GLDC: variants seen among roughly 807,000 people sequenced by gnomAD.
GLDC encodes glycine decarboxylase.
A neutral mutation model predicts 121.3 loss-of-function variants in GLDC; 104 were observed. That is an observed-to-expected ratio of 0.86 (90% CI 0.73 to 1.01). The LOEUF is 1.01. GLDC is among the 50% of genes least tolerant of loss of function. The pLI, the probability that GLDC is intolerant of heterozygous loss-of-function variation, is 0.00. For synonymous variants in GLDC, 546 were observed against 480.6 expected (o/e 1.14, Z -1.78); for missense variants, 1,429 against 1,306.6 (o/e 1.09, Z -1.44).
chr9:6,540,209 G>T, intron 21 of GLDC, 63 bp from the exon 22 acceptor site: 4 of 1,023,676 alleles, frequency 3.9e-6, no homozygotes, highest in South Asian at 2.5e-5. Context: ...CCAAACAAAT[G>T]AATAAGTAAT....
At chr9:6,539,783 C>G (rs1817217357) in intron 22 of GLDC, among the ~76,000 whole-genome samples, 1 of 152,202 alleles carries the variant, frequency 6.6e-6, no homozygotes. Context: ...ACACTCACTG[C>G]AACTCAAAGG....
At chr9:6,586,971 T>C (rs530841495) in intron 15 of GLDC, among the ~76,000 whole-genome samples, 170 bp downstream of exon 15, 68 of 152,300 alleles carry the variant, frequency 4.5e-4, no homozygotes, top group Non-Finnish European at 7.8e-4. Context: ...TCACCAGCTA[T>C]GTGAGGGAGA....
rs748599108 is a variant in GLDC at position 6,595,129 on chromosome 9, A to G, written c.1156-10T>C. 5.8e-6 allele frequency: 9 copies of G among 1,560,490 alleles called. No individual in the cohort carries two copies. Among genetic ancestry groups the G allele is most frequent in the Non-Finnish European group, 8.0e-6 (9 of 1,131,338 alleles). On this transcript the variant is annotated splice_polypyrimidine_tract_variant and intron_variant, in intron 8 of 24. Coordinates refer to ENST00000321612, the MANE Select transcript of GLDC (RefSeq NM_000170.3). Reference sequence around the variant, plus strand: ...TATTCGCCAAGAGGGCCTAAAAGATAAGAACATTTAAAGAATCACGTGATG... The same window carrying G: ...TATTCGCCAAGAGGGCCTAAAAGATGAGAACATTTAAAGAATCACGTGATG...
intron 22 of GLDC, 93 bp from the exon 23 acceptor site, chr9:6,536,329 T>A: frequency 9.3e-7 from 1 of 1,071,166 alleles, no homozygotes; most frequent in Non-Finnish European, 1.4e-6. Flanking sequence ...TATTTTATCC[T>A]AAGAAAATCA....
intron 4 of GLDC, 129 bp from the exon 5 acceptor site, chr9:6,606,798 T>G (rs1818743661): frequency 1.4e-6 from 1 of 723,074 alleles, no homozygotes; most frequent in Non-Finnish European, 2.5e-6. Context: ...GTAGGCCGGG[T>G]GCGGTGGCTC....
chr9:6,643,085 A>G (rs1327826709), intron 2 of GLDC, among the ~76,000 whole-genome samples: 1 of 151,906 alleles, frequency 6.6e-6, no homozygotes, highest in Non-Finnish European at 1.5e-5. Flanking sequence ...TTTTGTAGAG[A>G]TGGGGTCTCG....
intron 15 of GLDC, among the ~76,000 whole-genome samples, chr9:6,585,683 G>A (rs1376845836): frequency 6.6e-6 from 1 of 152,174 alleles, no homozygotes; most frequent in East Asian, 1.9e-4. Context: ...TCCCAGAGGG[G>A]TCAACTCTGA....
intron 12 of GLDC, 113 bp downstream of exon 12, chr9:6,589,082 G>C (rs1205862153): frequency 3.8e-6 from 3 of 780,050 alleles, no homozygotes; most frequent in Non-Finnish European, 7.0e-6. Context: ...TGGGAGCCAC[G>C]GCTGAGCCAG....
chr9:6,569,974 T>C (rs1185981873), intron 15 of GLDC, among the ~76,000 whole-genome samples: 1 of 152,154 alleles, frequency 6.6e-6, no homozygotes, highest in Admixed American at 6.5e-5. Context: ...AGACTCAGGC[T>C]CATGGCCGGG....
At chr9:6,638,232 G>C (rs916752510) in intron 2 of GLDC, among the ~76,000 whole-genome samples, 4 of 149,504 alleles carry the variant, frequency 2.7e-5, no homozygotes, top group Admixed American at 6.7e-5. Context: ...TTTTTTTTGA[G>C]ACAGAGTCTC....
intron 15 of GLDC, among the ~76,000 whole-genome samples, chr9:6,567,686 A>C (rs1208929224): frequency 6.6e-6 from 1 of 152,250 alleles, no homozygotes; most frequent in African/African-American, 2.4e-5. Flanking sequence ...TGATTAAAGA[A>C]ATAATCCTCT....
intron 2 of GLDC, among the ~76,000 whole-genome samples, chr9:6,622,340 T>TG (rs1819119731): frequency 6.9e-6 from 1 of 145,310 alleles, no homozygotes; most frequent in Non-Finnish European, 1.5e-5. Flanking sequence ...GCAACCTCCC[T>TG]GCCTGATTCT....
chr9:6,615,299 A>T (rs1021792088), intron 3 of GLDC, among the ~76,000 whole-genome samples: 1 of 152,028 alleles, frequency 6.6e-6, no homozygotes, highest in African/African-American at 2.4e-5. Context: ...ATGTTTTAAG[A>T]CTCAGTATAC....
chr9:6,536,973 T>C (rs938939857), intron 22 of GLDC, among the ~76,000 whole-genome samples: 1 of 152,174 alleles, frequency 6.6e-6, no homozygotes, highest in African/African-American at 2.4e-5. Flanking sequence ...AAGAGACAGA[T>C]TTCCAGGACA....
At chr9:6,598,920 C>A (rs1319776432) in intron 8 of GLDC, among the ~76,000 whole-genome samples, 3 of 152,170 alleles carry the variant, frequency 2.0e-5, no homozygotes, top group Non-Finnish European at 2.9e-5. Flanking sequence ...ATGGCTCATG[C>A]CTGTAATCCC....
At chr9:6,534,133 G>C in intron 24 of GLDC, 1 of 148,352 alleles carries the variant, frequency 6.7e-6, no homozygotes, top group East Asian at 2.0e-4. Flanking sequence ...CGTGAACCCA[G>C]GATCATGCCA....
At chr9:6,629,958 T>TATATATATATGTATATATATATATA in intron 2 of GLDC, among the ~76,000 whole-genome samples, 1 of 78,680 alleles carries the variant, frequency 1.3e-5, no homozygotes, top group Non-Finnish European at 2.4e-5. Flanking sequence ...TATATATATA[T>TATATATATATGTATATATATATATA]TTTTTTTTTT....
chr9:6,555,398 C>G (rs1817603430), intron 18 of GLDC, among the ~76,000 whole-genome samples: 1 of 152,022 alleles, frequency 6.6e-6, no homozygotes, highest in Non-Finnish European at 1.5e-5. Context: ...TTCATTTATG[C>G]TACAGAACCA....
At chr9:6,599,420 A>G (rs772862205) in intron 8 of GLDC, among the ~76,000 whole-genome samples, 5 of 152,030 alleles carry the variant, frequency 3.3e-5, no homozygotes, top group Non-Finnish European at 7.4e-5. Context: ...AAGTGAGGCC[A>G]CCATATAAAG....
Sources: allele counts gnomAD v4.1 joint callset (sites outside exome capture counted in the v4.1 genomes callset), GRCh38; gene constraint gnomAD v4.1.1; transcripts MANE v1.5; gene names NCBI Gene and HGNC (gene_info 2026-07-23, HGNC 2026-07-21).